RBFOX1: variants seen among roughly 807,000 people sequenced by gnomAD.
RBFOX1 encodes RNA binding protein fox-1 homolog 1.
Under a neutral mutation model 57.7 loss-of-function variants are expected in RBFOX1, and 8 were observed. The observed-to-expected ratio is 0.14, with a 90% CI of 0.08 to 0.25. RBFOX1 has a LOEUF of 0.25. RBFOX1 is among the 10% of genes least tolerant of loss of function. RBFOX1 has a pLI of 1.00. For missense variants in RBFOX1, 611 were observed against 548.5 expected, an observed-to-expected ratio of 1.11 and a Z score of -1.14; for synonymous variants, 326 against 222.4, an observed-to-expected ratio of 1.47 and a Z score of -4.15.
chr16:6,830,782 G>A (rs1036769808), intron 3 of RBFOX1, among the ~76,000 whole-genome samples: 1 of 152,138 alleles, frequency 6.6e-6, no homozygotes, highest in Non-Finnish European at 1.5e-5. Flanking sequence ...CCTCTGTTGA[G>A]ATGGTAAGGG....
intron 1 of RBFOX1, among the ~76,000 whole-genome samples, chr16:5,314,996 C>G (rs1218368127): frequency 6.6e-6 from 1 of 151,898 alleles, no homozygotes; most frequent in African/African-American, 2.4e-5. Context: ...ATAACGTGAC[C>G]CTGGAAAGGG....
At chr16:7,140,406 G>C (rs962667054) in intron 4 of RBFOX1, among the ~76,000 whole-genome samples, 9 of 150,174 alleles carry the variant, frequency 6.0e-5, no homozygotes, top group African/African-American at 1.7e-4. Flanking sequence ...CGCTCAGTTT[G>C]CACTTATGTT....
intron 4 of RBFOX1, among the ~76,000 whole-genome samples, chr16:7,239,958 A>G (rs1239999948): frequency 1.3e-5 from 2 of 152,104 alleles, no homozygotes; most frequent in Non-Finnish European, 2.9e-5. Context: ...ACCTGTTGAA[A>G]CTATAAGATG....
intron 12 of RBFOX1, among the ~76,000 whole-genome samples, chr16:7,655,978 G>T (rs1436406001): frequency 6.6e-6 from 1 of 151,998 alleles, no homozygotes; most frequent in Non-Finnish European, 1.5e-5. Flanking sequence ...GAGAGACACA[G>T]GCATTTCCAA....
intron 2 of RBFOX1, among the ~76,000 whole-genome samples, chr16:6,642,054 T>C (rs913449143): frequency 2.0e-5 from 3 of 152,200 alleles, no homozygotes; most frequent in Non-Finnish European, 4.4e-5. Context: ...ACAGTTTGCA[T>C]GCTGTCTGAG....
intron 10 of RBFOX1, among the ~76,000 whole-genome samples, chr16:7,616,271 C>T (rs931496823): frequency 2.0e-5 from 3 of 152,218 alleles, no homozygotes; most frequent in African/African-American, 7.2e-5. Flanking sequence ...CTAGCAAAAG[C>T]TTCCAGGTGT....
intron 1 of RBFOX1, among the ~76,000 whole-genome samples, chr16:6,150,688 C>T (rs576417496): frequency 1.4e-4 from 22 of 152,160 alleles, no homozygotes; most frequent in Non-Finnish European, 2.4e-4. Flanking sequence ...GATCTTTTCC[C>T]TTCCTCTTTC....
rs568413315 is a variant in RBFOX1, at chr16:7,058,215, T to C, written c.27+6117T>C. 2.0e-5 allele frequency among the ~76,000 whole-genome samples: 3 copies of C among 152,198 alleles called. No homozygotes were observed. In the East Asian group the frequency reaches 5.8e-4, roughly 29 times the overall value. ...ACTCATTAAGAAAGGGGGAATCACTTAGAAAGTTACTCCCCTTTCCATTGT... is the reference window on the plus strand; with the variant it reads ...ACTCATTAAGAAAGGGGGAATCACTCAGAAAGTTACTCCCCTTTCCATTGT... On this transcript the variant is annotated intron_variant, in intron 4 of 15. Coordinates refer to ENST00000550418, the MANE Select transcript of RBFOX1 (RefSeq NM_018723.4).
intron 3 of RBFOX1, among the ~76,000 whole-genome samples, chr16:5,719,723 T>G (rs553369480): frequency 6.6e-6 from 1 of 152,322 alleles, no homozygotes; most frequent in East Asian, 1.9e-4. Flanking sequence ...TCATCTCTGC[T>G]GTAGCCTATG....
At chr16:6,071,293 C>G (rs1192274162) in intron 1 of RBFOX1, among the ~76,000 whole-genome samples, 1 of 152,138 alleles carries the variant, frequency 6.6e-6, no homozygotes, top group African/African-American at 2.4e-5. Context: ...TGCACTCCAG[C>G]CTGGATGACA....
chr16:5,479,961 C>A (rs896191548), intron 2 of RBFOX1, among the ~76,000 whole-genome samples: 1 of 152,168 alleles, frequency 6.6e-6, no homozygotes, highest in African/African-American at 2.4e-5. Flanking sequence ...TCCCCACCCT[C>A]CAGCCCAGCC....
intron 1 of RBFOX1, among the ~76,000 whole-genome samples, chr16:6,295,629 G>A (rs1016289556): frequency 2.6e-5 from 4 of 152,236 alleles, no homozygotes; most frequent in African/African-American, 9.6e-5. Flanking sequence ...CGCTGTCTGT[G>A]TTTATGAGCG....
intron 4 of RBFOX1, among the ~76,000 whole-genome samples, chr16:7,198,030 G>C (rs1161643137): frequency 2.1e-5 from 1 of 46,670 alleles, no homozygotes; most frequent in Non-Finnish European, 5.0e-5. Flanking sequence ...TTTTGAGACG[G>C]AGTCTTGCTC....
intron 4 of RBFOX1, among the ~76,000 whole-genome samples, chr16:5,918,059 C>T (rs555309959): frequency 1.3e-5 from 2 of 152,212 alleles, no homozygotes; most frequent in South Asian, 2.1e-4. Flanking sequence ...ATTCCATGTC[C>T]CAAGCACTCA....
intron 14 of RBFOX1, among the ~76,000 whole-genome samples, chr16:7,683,217 TA>T (rs2075309090): frequency 1.3e-5 from 2 of 149,252 alleles, no homozygotes; most frequent in Admixed American, 1.4e-4. Flanking sequence ...CGTAATTTTT[TA>T]AAATTGGGTT....
chr16:7,444,941 C>T (rs1303178166), intron 4 of RBFOX1, among the ~76,000 whole-genome samples: 1 of 152,144 alleles, frequency 6.6e-6, no homozygotes, highest in Admixed American at 6.5e-5. Flanking sequence ...CTCAACAAAT[C>T]CGTAATCATG....
intron 4 of RBFOX1, among the ~76,000 whole-genome samples, chr16:7,186,182 A>G (rs9923637): frequency 0.26 from 36,900 of 140,232 alleles, 6,043 homozygotes; most frequent in African/African-American, 0.45. Context: ...AAATATGTAT[A>G]TAAATATACA....
chr16:5,818,715 A>T (rs140745596), intron 3 of RBFOX1, among the ~76,000 whole-genome samples: 24 of 152,216 alleles, frequency 1.6e-4, no homozygotes, highest in African/African-American at 5.3e-4. Flanking sequence ...GACAACAAAG[A>T]ATGAGCTTCA....
intron 9 of RBFOX1, among the ~76,000 whole-genome samples, chr16:7,601,153 A>G (rs529262540): frequency 2.6e-5 from 4 of 152,298 alleles, no homozygotes; most frequent in Middle Eastern, 3.4e-3. Flanking sequence ...TGGGGCAAAC[A>G]TATTCAGCGC....
Sources: gnomAD v4.1 joint callset for allele counts (sites outside exome capture counted in the v4.1 genomes callset) on GRCh38, gnomAD v4.1.1 for gene constraint, MANE v1.5 for transcripts, NCBI Gene and HGNC (gene_info 2026-07-23, HGNC 2026-07-21) for gene names.